The following HIVEP2 variants were observed in gnomAD, a reference collection of about 807,000 sequenced individuals.
HIVEP2 encodes the protein HIVEP zinc finger 2.
In HIVEP2, 14 loss-of-function variants were observed where a neutral mutation model predicts 180.7. The ratio of observed to expected loss-of-function variants is 0.08; its 90% CI spans 0.05 to 0.12. HIVEP2 has a LOEUF of 0.12. HIVEP2 is among the 10% of genes least tolerant of loss of function. The pLI, the probability that HIVEP2 is intolerant of heterozygous loss-of-function variation, is 1.00. For synonymous variants in HIVEP2, 1,184 were observed against 1,136.4 expected (o/e 1.04, Z -0.84); for missense variants, 2,579 against 3,008.5 (o/e 0.86, Z 3.34).
intron 9 of HIVEP2, among the ~76,000 whole-genome samples, chr6:142,757,021 T>C (rs542555249): frequency 6.6e-6 from 1 of 152,312 alleles, no homozygotes; most frequent in African/African-American, 2.4e-5. Flanking sequence ...TACATATGTG[T>C]ATATGTGTGC....
intron 1 of HIVEP2, among the ~76,000 whole-genome samples, chr6:142,918,953 A>G (rs75229611): frequency 0.018 from 2,790 of 152,132 alleles, 99 homozygotes; most frequent in African/African-American, 0.065. Flanking sequence ...ATAATTCCCT[A>G]CCTATTATTT....
intron 2 of HIVEP2, among the ~76,000 whole-genome samples, chr6:142,793,637 T>TTTCC (rs1491398468): frequency 5.8e-5 from 2 of 34,192 alleles, no homozygotes; most frequent in South Asian, 1.1e-3. Flanking sequence ...TCTTTCTTTC[T>TTTCC]TTCTTTCTTT....
chr6:142,898,786 T>C (rs1777061099), intron 1 of HIVEP2, among the ~76,000 whole-genome samples: 1 of 152,238 alleles, frequency 6.6e-6, no homozygotes, highest in Admixed American at 6.5e-5. Context: ...GCTGCAGTCC[T>C]GGGAATTGCC....
Position 142,898,432 on chromosome 6 carries a change from C to T in HIVEP2, c.-641+46667G>A, listed in dbSNP as rs541283793. 3.2e-3 allele frequency among the ~76,000 whole-genome samples: 490 copies of T among 152,190 alleles called. 2 individuals are homozygous for T. Among genetic ancestry groups the T allele is most frequent in the African/African-American group, 0.011 (465 of 41,518 alleles). On this transcript the variant is annotated intron_variant, in intron 1 of 9. Transcript: ENST00000367603. ...ATCCCAACATTTTGGGAGGCCGAGG[C>T]GGGCAAATCACCTGAGGTCAGGAGT...
intron 1 of HIVEP2, among the ~76,000 whole-genome samples, chr6:142,851,406 T>C (rs1775668721): frequency 6.6e-6 from 1 of 152,226 alleles, no homozygotes; most frequent in African/African-American, 2.4e-5. Flanking sequence ...TGTTAAAAGT[T>C]TGGGCTGACT....
intron 2 of HIVEP2, among the ~76,000 whole-genome samples, chr6:142,825,516 T>A (rs1774864172): frequency 6.6e-6 from 1 of 152,190 alleles, no homozygotes; most frequent in Non-Finnish European, 1.5e-5. Flanking sequence ...TTGATATTAT[T>A]CAATTTAGAA....
At chr6:142,895,393 G>C (rs1776961732) in intron 1 of HIVEP2, among the ~76,000 whole-genome samples, 1 of 151,676 alleles carries the variant, frequency 6.6e-6, no homozygotes, top group Non-Finnish European at 1.5e-5. Flanking sequence ...ATGTAGGATG[G>C]TATGTATAGC....
intron 2 of HIVEP2, among the ~76,000 whole-genome samples, chr6:142,826,350 T>C (rs559641351): frequency 2.2e-4 from 33 of 152,282 alleles, no homozygotes; most frequent in African/African-American, 7.9e-4. Flanking sequence ...ACCTAAGAGA[T>C]TGGCTTAGGT....
chr6:142,924,121 T>C (rs1482000532), intron 1 of HIVEP2, among the ~76,000 whole-genome samples: 1 of 152,226 alleles, frequency 6.6e-6, no homozygotes, highest in Non-Finnish European at 1.5e-5. Flanking sequence ...GCACCAGGAT[T>C]GCAGTATCAT....
chr6:142,791,779 G>A (rs1194733530), intron 2 of HIVEP2, among the ~76,000 whole-genome samples: 2 of 152,082 alleles, frequency 1.3e-5, no homozygotes, highest in Admixed American at 1.3e-4. Flanking sequence ...CACCAAGTAA[G>A]AATTAAAAAT....
intron 1 of HIVEP2, among the ~76,000 whole-genome samples, chr6:142,850,717 C>G (rs1261653310): frequency 1.3e-5 from 2 of 152,168 alleles, no homozygotes; most frequent in Non-Finnish European, 2.9e-5. Context: ...AATTCCTAAG[C>G]CTGACAATTA....
chr6:142,823,428 C>A (rs1777095348), intron 2 of HIVEP2, among the ~76,000 whole-genome samples: 1 of 152,084 alleles, frequency 6.6e-6, no homozygotes, highest in Non-Finnish European at 1.5e-5. Context: ...GTTGGAATGC[C>A]CTGAAGGTTC....
rs182622007 is a variant in HIVEP2, at chr6:142,795,929, A to C, written c.-527-12314T>G. 7.2e-5 allele frequency among the ~76,000 whole-genome samples: 11 copies of C among 152,260 alleles called. No homozygotes were observed. In the East Asian group the frequency reaches 2.1e-3, roughly 29 times the overall value. The stretch of plus-strand genomic sequence containing the variant: ...ATCTGCCATGGACAAACCGTGGGTG[A>C]ATCCCTGTTGGAGCTTGAGTTTCCT... On this transcript the variant is annotated intron_variant, in intron 2 of 9. Coordinates refer to ENST00000367603, the MANE Select transcript of HIVEP2 (RefSeq NM_006734.4).
chr6:142,774,602 C>T lies in HIVEP2; in HGVS notation c.137G>A (p.Arg46Gln), dbSNP rs17072013. Residue 46 changes from arginine to glutamine, a missense_variant, in exon 5 of 10, where the codon CGG becomes CAG. Around this residue, in one of 11 missense-constraint regions of HIVEP2, gnomAD observed 207 missense variants for 210.1 expected, o/e 0.99. Transcript: ENST00000367603. This position sits in a 1 kb window ranked among gnomAD's most constrained non-coding sequence, Gnocchi z 5.1. The part of the protein sequence containing the change: ...MSTFGSHEGQ[R>Q]QPQIEPEQIG... ...TTGCTCAGGCTCTATTTGTGGTTGCCGCTGTCCTTCATGACTGCCAAAAGT... is the reference window on the plus strand; with the variant it reads ...TTGCTCAGGCTCTATTTGTGGTTGCTGCTGTCCTTCATGACTGCCAAAAGT... 114 of 1,614,158 alleles carry T rather than the reference C, an allele frequency of 7.1e-5. No individual in the cohort carries two copies. In the African/African-American group the frequency reaches 1.1e-3, roughly 15 times the overall value.
At chr6:142,870,528 G>A (rs981180037) in intron 1 of HIVEP2, among the ~76,000 whole-genome samples, 2 of 152,120 alleles carry the variant, frequency 1.3e-5, no homozygotes, top group African/African-American at 4.8e-5. Flanking sequence ...CAAGAGACAG[G>A]TCATCAAACT....
chr6:142,823,220 G>C (rs1777087924), intron 2 of HIVEP2, among the ~76,000 whole-genome samples: 1 of 152,104 alleles, frequency 6.6e-6, no homozygotes, highest in African/African-American at 2.4e-5. Context: ...CAGGAAAGAG[G>C]GGTCCTTGTC....
chr6:142,828,372 G>A lies in HIVEP2; in HGVS notation c.-528+8563C>T, dbSNP rs573416243. Among the ~76,000 whole-genome samples, 3 of 152,156 alleles carry A rather than the reference G, an allele frequency of 2.0e-5. No individual in the cohort carries two copies. The East Asian group carries it at 5.8e-4, about 29-fold the overall frequency. ...GTGTCAGAATTAATGCCACTCTCTC[G>A]TGTTCTCATAATCTTTGCTCAACTC... On this transcript the variant is annotated intron_variant, in intron 2 of 9. Coordinates refer to ENST00000367603, the MANE Select transcript of HIVEP2 (RefSeq NM_006734.4).
At chr6:142,916,756 A>T (rs1268195360) in intron 1 of HIVEP2, among the ~76,000 whole-genome samples, 1 of 152,206 alleles carries the variant, frequency 6.6e-6, no homozygotes, top group Non-Finnish European at 1.5e-5. Flanking sequence ...AGGGTCCTCC[A>T]ATGAGGACTG....
intron 1 of HIVEP2, among the ~76,000 whole-genome samples, chr6:142,865,137 T>C (rs1334103196): frequency 2.0e-5 from 3 of 152,226 alleles, no homozygotes; most frequent in Non-Finnish European, 2.9e-5. Context: ...TGATAGCTAC[T>C]ATTGCTCCAG....
Sources: gnomAD v4.1 joint callset for allele counts (sites outside exome capture counted in the v4.1 genomes callset) on GRCh38, gnomAD v4.1.1 for gene constraint, gnomAD v4.1.1 regional missense constraint, Gnocchi (gnomAD v3.1) non-coding constraint, MANE v1.5 for transcripts, NCBI Gene and HGNC (gene_info 2026-07-23, HGNC 2026-07-21) for gene names.